SPECC1: variants seen among roughly 807,000 people sequenced by gnomAD.
The protein encoded by SPECC1 is sperm antigen with calponin homology and coiled-coil domains 1, also known as cytospin-B.
SPECC1 carries 62 observed loss-of-function variants against 104.1 expected under a neutral mutation model. The ratio of observed to expected loss-of-function variants is 0.60; its 90% CI spans 0.49 to 0.74. SPECC1 has a LOEUF of 0.74. Ranked by LOEUF, SPECC1 falls within the 30% of genes least tolerant of loss-of-function variation. The probability of loss-of-function intolerance (pLI) is 0.00; values close to 1 mark genes in which losing one functional copy is unlikely to be tolerated. For synonymous variants in SPECC1, 513 were observed against 501.6 expected (o/e 1.02, Z -0.30); for missense variants, 1,306 against 1,310.5 (o/e 1.00, Z 0.05).
chr17:20,045,456 A>C (rs960718693), intron 1 of SPECC1, among the ~76,000 whole-genome samples: 1 of 152,200 alleles, frequency 6.6e-6, no homozygotes, highest in Non-Finnish European at 1.5e-5. Flanking sequence ...CTGAAACAAA[A>C]GTTGTGGATA....
At chr17:20,035,155 C>T (rs150772550) in intron 1 of SPECC1, among the ~76,000 whole-genome samples, 27 of 152,260 alleles carry the variant, frequency 1.8e-4, no homozygotes, top group African/African-American at 6.3e-4. Flanking sequence ...TATAGCTGTC[C>T]CTCTGTCAAT....
intron 3 of SPECC1, among the ~76,000 whole-genome samples, chr17:20,160,134 CTG>C (rs2033000362): frequency 6.6e-6 from 1 of 151,760 alleles, no homozygotes; most frequent in Non-Finnish European, 1.5e-5. Context: ...CAGGTGCACT[CTG>C]TATTAGTTAT....
At chr17:20,244,471 T>A in intron 7 of SPECC1, among the ~76,000 whole-genome samples, 1 of 152,192 alleles carries the variant, frequency 6.6e-6, no homozygotes, top group East Asian at 1.9e-4. Flanking sequence ...TTTCTTCCAA[T>A]GAAGTTTTCA....
chr17:20,292,978 A>G (rs1398159421), intron 12 of SPECC1, among the ~76,000 whole-genome samples: 1 of 152,208 alleles, frequency 6.6e-6, no homozygotes, highest in Non-Finnish European at 1.5e-5. Flanking sequence ...GGGGCCCACC[A>G]GGGTCATCCT....
intron 4 of SPECC1, among the ~76,000 whole-genome samples, chr17:20,222,768 A>G (rs1251018705): frequency 6.6e-6 from 1 of 152,184 alleles, no homozygotes; most frequent in Non-Finnish European, 1.5e-5. Context: ...TTTCAGATCA[A>G]AGAACTCCCA....
chr17:20,051,075 T>C (rs146927375), intron 1 of SPECC1, among the ~76,000 whole-genome samples: 1,090 of 58,728 alleles, frequency 0.019, 20 homozygotes, highest in African/African-American at 0.07. Context: ...TCTTTTTCTT[T>C]CTTTCTTTCT....
chr17:20,131,826 T>G (rs1406452033), intron 3 of SPECC1, among the ~76,000 whole-genome samples: 1 of 151,676 alleles, frequency 6.6e-6, no homozygotes, highest in Non-Finnish European at 1.5e-5. Flanking sequence ...ATTTTTTGTA[T>G]TTTAGTAGAG....
intron 12 of SPECC1, among the ~76,000 whole-genome samples, chr17:20,277,776 C>T (rs181262017): frequency 2.0e-5 from 3 of 152,298 alleles, no homozygotes; most frequent in South Asian, 2.1e-4. Context: ...CGTTCCGCTT[C>T]GTCTCTGAAT....
intron 12 of SPECC1, among the ~76,000 whole-genome samples, chr17:20,270,584 A>G (rs1598116342): frequency 6.6e-6 from 1 of 150,736 alleles, no homozygotes; most frequent in Non-Finnish European, 1.5e-5. Context: ...ACACCACTGC[A>G]CTCCAGCCTG....
chr17:20,104,128 C>T (rs371990479), intron 2 of SPECC1, among the ~76,000 whole-genome samples: 1 of 152,052 alleles, frequency 6.6e-6, no homozygotes, highest in African/African-American at 2.4e-5. Context: ...TTGGTTAGTA[C>T]GATATTTGAC....
intron 3 of SPECC1, among the ~76,000 whole-genome samples, chr17:20,142,417 C>A (rs1423908492): frequency 1.3e-5 from 2 of 152,094 alleles, no homozygotes; most frequent in Non-Finnish European, 2.9e-5. Flanking sequence ...GGAAGCAACC[C>A]AAGTGTCCAT....
intron 1 of SPECC1, among the ~76,000 whole-genome samples, chr17:20,083,750 A>G (rs1218130743): frequency 1.3e-5 from 2 of 152,230 alleles, no homozygotes; most frequent in African/African-American, 4.8e-5. Context: ...TCTCTTGGAT[A>G]AATACTGAAG....
chr17:20,241,553 CGT>C (rs1183365827), intron 7 of SPECC1, among the ~76,000 whole-genome samples: 1 of 152,116 alleles, frequency 6.6e-6, no homozygotes, highest in African/African-American at 2.4e-5. Context: ...TTCCCCCGAC[CGT>C]GTACTCTCTA....
At chr17:20,248,428 T>TGA (rs906159634) in intron 9 of SPECC1, among the ~76,000 whole-genome samples, 1 of 152,142 alleles carries the variant, frequency 6.6e-6, no homozygotes, top group African/African-American at 2.4e-5. Context: ...TGATTCCTAG[T>TGA]GAAGGAAAAT....
chr17:20,102,091 T>G (rs2152512364), intron 2 of SPECC1, among the ~76,000 whole-genome samples: 1 of 152,352 alleles, frequency 6.6e-6, no homozygotes, highest in East Asian at 1.9e-4. Flanking sequence ...CATAGGATCT[T>G]CTGGAGCAAG....
chr17:20,010,434 G>A (rs981973572), intron 1 of SPECC1, among the ~76,000 whole-genome samples: 3 of 152,174 alleles, frequency 2.0e-5, no homozygotes, highest in Middle Eastern at 3.2e-3. Context: ...CTGTTATCCA[G>A]TTCCAAACAC....
chr17:20,230,430 GA>G (rs2038500392), intron 5 of SPECC1, among the ~76,000 whole-genome samples: 1 of 152,186 alleles, frequency 6.6e-6, no homozygotes, highest in Non-Finnish European at 1.5e-5. Context: ...GGATACAACT[GA>G]AAACCTGGAC....
intron 2 of SPECC1, among the ~76,000 whole-genome samples, chr17:20,106,858 C>G (rs532410310): frequency 6.6e-6 from 1 of 152,162 alleles, no homozygotes; most frequent in Admixed American, 6.5e-5. Context: ...TGCTGTTGTT[C>G]AGAAAATGTG....
intron 2 of SPECC1, among the ~76,000 whole-genome samples, chr17:20,107,428 G>A (rs1193709429): frequency 6.6e-6 from 1 of 150,686 alleles, no homozygotes; most frequent in East Asian, 2.0e-4. Context: ...GGGCAACATA[G>A]TGAGATCCTG....
Sources: allele counts gnomAD v4.1 joint callset (sites outside exome capture counted in the v4.1 genomes callset), GRCh38; gene constraint gnomAD v4.1.1; transcripts MANE v1.5; gene names NCBI Gene and HGNC (gene_info 2026-07-23, HGNC 2026-07-21).